The following RELN variants were observed in gnomAD, a reference collection of about 807,000 sequenced individuals.
RELN encodes reelin.
RELN carries 108 observed loss-of-function variants against 427.6 expected under a neutral mutation model. The ratio of observed to expected loss-of-function variants is 0.25; its 90% CI spans 0.22 to 0.30. RELN has a LOEUF of 0.30. Among genes scored for constraint, RELN ranks in the 10% least tolerant of loss-of-function variants. The probability of loss-of-function intolerance (pLI) is 1.00; values close to 1 mark genes in which losing one functional copy is unlikely to be tolerated. For synonymous variants in RELN, 1,524 were observed against 1,513.4 expected (o/e 1.01, Z -0.16); for missense variants, 3,715 against 4,302.8 (o/e 0.86, Z 3.82).
chr7:103,603,387 G>C lies in RELN; in HGVS notation c.3250C>G (p.Gln1084Glu). The C allele has an allele frequency of 6.2e-7, 1 of 1,613,762 alleles. No individual in the cohort carries two copies. The highest frequency in any genetic ancestry group is 1.3e-5 in the African/African-American group (1 of 74,992). Residue 1084 changes from glutamine to glutamate, a missense_variant, in exon 24 of 65, where the codon CAA becomes GAA. Gln to Glu is a conservative substitution (Grantham distance 29). Around this residue, in one of 4 missense-constraint regions of RELN, gnomAD observed 2,208 missense variants for 2,361.7 expected, o/e 0.93. Coordinates refer to ENST00000428762, the MANE Select transcript of RELN (RefSeq NM_005045.4). The surrounding 1 kb of genome is among the most constrained non-coding windows in gnomAD (Gnocchi z 4.3). Reference sequence around the variant, plus strand: ...ACAATTTCTCCCCCAATAACTTCTTGCCAGTCAGACTCCCAGCCATTCTGG... The same window carrying C: ...ACAATTTCTCCCCCAATAACTTCTTCCCAGTCAGACTCCCAGCCATTCTGG... The part of the protein sequence containing the change: ...ENQNGWESDW[Q>E]EVIGGEIVKP...
At chr7:103,657,256 C>T (rs923208125) in intron 12 of RELN, among the ~76,000 whole-genome samples, 2 of 151,930 alleles carry the variant, frequency 1.3e-5, no homozygotes, top group East Asian at 1.9e-4. Context: ...TCCTTACATG[C>T]TTCAGTGTTA....
At chr7:103,837,377 T>C (rs906727983) in intron 2 of RELN, among the ~76,000 whole-genome samples, 1 of 152,190 alleles carries the variant, frequency 6.6e-6, no homozygotes, top group Non-Finnish European at 1.5e-5. Flanking sequence ...CTGTACACAT[T>C]TACCATCCTT....
In RELN at chr7:103,833,580, T is replaced by C; in HGVS notation, c.430A>G (p.Ile144Val). ...GTGCCCGCAGGTGGAGCAATCCAGA[T>C]GAAACTGAGGTTGGTTGTGGGCAGG... ...SHLPTTNLSF[I>V]WIAPPAGTGC... The change falls in exon 3 of 65, where the codon ATC becomes GTC. Residue 144 changes from isoleucine (I) to valine (V), a missense_variant. Coordinates refer to ENST00000428762, the MANE Select transcript of RELN (RefSeq NM_005045.4). The C allele has an allele frequency of 1.2e-6, 2 of 1,614,046 alleles. No individual in the cohort carries two copies. The highest frequency in any genetic ancestry group is 1.7e-6 in the Non-Finnish European group (2 of 1,179,954).
intron 5 of RELN, among the ~76,000 whole-genome samples, chr7:103,752,425 A>G (rs960147895): frequency 6.6e-6 from 1 of 152,002 alleles, no homozygotes; most frequent in African/African-American, 2.4e-5. Flanking sequence ...ATTTTTTTTT[A>G]AAGAAACAGG....
intron 1 of RELN, among the ~76,000 whole-genome samples, chr7:103,919,538 C>T (rs1424171228): frequency 1.3e-5 from 2 of 152,100 alleles, no homozygotes; most frequent in Non-Finnish European, 2.9e-5. Flanking sequence ...GTGACATCGG[C>T]CCCTGCAGTT....
intron 1 of RELN, among the ~76,000 whole-genome samples, chr7:103,918,408 A>T (rs1355704134): frequency 6.6e-6 from 1 of 152,160 alleles, no homozygotes; most frequent in East Asian, 1.9e-4. Flanking sequence ...CAAAAGAAGA[A>T]TGTGTAGAAC....
chr7:103,671,259 G>C (rs1402787738), intron 11 of RELN, among the ~76,000 whole-genome samples: 1 of 152,070 alleles, frequency 6.6e-6, no homozygotes, highest in East Asian at 1.9e-4. Flanking sequence ...AAGGTAAAAG[G>C]ATGAGCTCAA....
intron 20 of RELN, 43 bp from the exon 21 acceptor site, chr7:103,611,846 T>C (rs781724773): frequency 1.3e-6 from 2 of 1,492,830 alleles, no homozygotes; most frequent in South Asian, 1.1e-5. Context: ...CTAAACACAA[T>C]GTATTAGAGA....
In RELN at chr7:103,753,177, C is replaced by G. The variant is rs779921655; in HGVS notation, c.577+5G>C. 2 of 1,613,888 alleles carry G rather than the reference C, an allele frequency of 1.2e-6. No individual in the cohort carries two copies. Among genetic ancestry groups the G allele is most frequent in the Non-Finnish European group, 1.7e-6 (2 of 1,179,834 alleles). ...GTTAATGACATCAGAGTCTTAAACA[C>G]TTACCTAGATGTGGGTGCACAGTGA... On this transcript the variant is annotated splice_donor_5th_base_variant and intron_variant, in intron 5 of 64. Transcript: ENST00000428762.
At chr7:103,776,648 G>A (rs377140604) in intron 3 of RELN, 21 bp from the exon 4 acceptor site, 9 of 1,612,030 alleles carry the variant, frequency 5.6e-6, no homozygotes, top group Non-Finnish European at 6.8e-6. Context: ...ATAGGAAAAG[G>A]TTAATTCAAC....
rs11377243 is a variant in RELN, at chr7:103,754,609, T to TAA, written c.545-1397_545-1396dup. On this transcript the variant is annotated intron_variant, in intron 4 of 64. Transcript: ENST00000428762. Reference sequence around the variant, plus strand: ...GCAATATAGTAGGAGACCTCGTCTCTAAAAAAAACATTAAAAATTAGCTGG... The same window carrying TAA: ...GCAATATAGTAGGAGACCTCGTCTCTAAAAAAAAAACATTAAAAATTAGCTGG... Among the ~76,000 whole-genome samples the TAA allele has an allele frequency of 1.2e-3, 179 of 151,344 alleles. No homozygotes were observed. The East Asian group carries it at 0.019, about 16-fold the overall frequency.
intron 8 of RELN, among the ~76,000 whole-genome samples, chr7:103,703,416 G>A (rs1048557970): frequency 6.6e-6 from 1 of 152,156 alleles, no homozygotes; most frequent in Non-Finnish European, 1.5e-5. Flanking sequence ...CCTTGATTCT[G>A]CCTAGGGTAA....
chr7:103,542,745 A>C lies in RELN; in HGVS notation c.6657T>G (p.Asp2219Glu). Reference protein sequence around the residue: ...GLRMLMTRDLDLSHARFVQFF... With the variant: ...GLRMLMTRDLELSHARFVQFF... ...AAAATGATTACCTAGCATGTGATAAATCCAGGTCTCGTGTCATCAACATGC... is the reference window on the plus strand; with the variant it reads ...AAAATGATTACCTAGCATGTGATAACTCCAGGTCTCGTGTCATCAACATGC... The change falls in exon 43 of 65, where the codon GAT (aspartate) becomes GAG (glutamate). Residue 2219 changes from aspartate (D) to glutamate (E), a missense_variant. Physicochemically the swap from Asp to Glu is conservative, Grantham distance 45 (BLOSUM62 2). Around this residue, in one of 4 missense-constraint regions of RELN, gnomAD observed 1,310 missense variants for 1,643.0 expected, o/e 0.80. Transcript: ENST00000428762. 6.2e-7 allele frequency: 1 copy of C among 1,614,124 alleles called. No homozygotes were observed. The highest frequency in any genetic ancestry group is 1.1e-5 in the South Asian group (1 of 91,078).
intron 11 of RELN, among the ~76,000 whole-genome samples, chr7:103,671,150 C>G (rs3808020): frequency 2.0e-5 from 3 of 151,974 alleles, no homozygotes; most frequent in South Asian, 2.1e-4. Context: ...ATCTCTAGTA[C>G]GAGTCCTCTG....
intron 28 of RELN, among the ~76,000 whole-genome samples, chr7:103,586,325 T>C (rs1306765174): frequency 2.6e-5 from 4 of 151,996 alleles, no homozygotes; most frequent in African/African-American, 9.7e-5. Context: ...ATCACGCCAT[T>C]GCACTCCAGC....
intron 45 of RELN, among the ~76,000 whole-genome samples, chr7:103,538,813 T>C (rs1169957768): frequency 6.6e-6 from 1 of 152,228 alleles, no homozygotes; most frequent in Non-Finnish European, 1.5e-5. Context: ...ATTATTACTG[T>C]TTAGGTTATT....
chr7:103,906,021 G>A (rs1047542534), intron 2 of RELN, among the ~76,000 whole-genome samples: 12 of 152,134 alleles, frequency 7.9e-5, no homozygotes, highest in African/African-American at 2.4e-4. Context: ...GTTTAAAAGA[G>A]CTGGAATTTT....
chr7:103,524,180 A>G (rs1308638722), intron 46 of RELN, among the ~76,000 whole-genome samples: 1 of 152,188 alleles, frequency 6.6e-6, no homozygotes, highest in Non-Finnish European at 1.5e-5. Context: ...GTACCATGGA[A>G]TGACACCAGA....
chr7:103,795,997 T>A (rs893054048), intron 3 of RELN, among the ~76,000 whole-genome samples: 6 of 152,206 alleles, frequency 3.9e-5, no homozygotes, highest in Non-Finnish European at 7.3e-5. Flanking sequence ...TCAATTTGTG[T>A]AAATAATAGA....
Sources: gnomAD v4.1 joint callset for allele counts (sites outside exome capture counted in the v4.1 genomes callset) on GRCh38, gnomAD v4.1.1 for gene constraint, gnomAD v4.1.1 regional missense constraint, Gnocchi (gnomAD v3.1) non-coding constraint, MANE v1.5 for transcripts, NCBI Gene and HGNC (gene_info 2026-07-23, HGNC 2026-07-21) for gene names.